EP400: variants seen among roughly 807,000 people sequenced by gnomAD.
EP400 encodes the protein E1A-binding protein p400.
Under a neutral mutation model 354.1 loss-of-function variants are expected in EP400, and 105 were observed. The observed-to-expected ratio is 0.30, with a 90% CI of 0.25 to 0.35. EP400 has a LOEUF of 0.35. Ranked by LOEUF, EP400 falls within the 10% of genes least tolerant of loss-of-function variation. The pLI, the probability that EP400 is intolerant of heterozygous loss-of-function variation, is 1.00. For synonymous variants in EP400, 1,646 were observed against 1,716.9 expected, an observed-to-expected ratio of 0.96 and a Z score of 1.02; for missense variants, 3,280 against 4,121.0, an observed-to-expected ratio of 0.80 and a Z score of 5.59.
chr12:131,960,291 C>T (rs1046969160), intron 1 of EP400, among the ~76,000 whole-genome samples: 3 of 152,172 alleles, frequency 2.0e-5, no homozygotes, highest in Non-Finnish European at 4.4e-5. Context: ...TGAGGGATGG[C>T]CTGGTCTCTC....
At position 131,969,057 on chromosome 12, in the gene EP400, T is replaced by A. The variant is rs185292152; in HGVS notation, c.1335+7103T>A. On this transcript the variant is annotated intron_variant, in intron 2 of 52. Coordinates refer to ENST00000389561, the MANE Select transcript of EP400 (RefSeq NM_015409.5). ...TTTCTTTACTTTTCTTTTTTTTTTT[T>A]ATCGTATTGGCAAGGGCACCCAGTA... Among the ~76,000 whole-genome samples, 197 of 151,818 alleles carry A rather than the reference T, an allele frequency of 1.3e-3. 3 individuals carry two copies. In the East Asian group the frequency reaches 0.033, roughly 25 times the overall value.
At position 132,066,932 on chromosome 12, in the gene EP400, G is replaced by A. The variant is rs748382309; in HGVS notation, c.8712G>A (p.Gly2904=). Residue 2904 remains glycine, a synonymous_variant, in exon 49 of 53, where the codon GGG becomes GGA. Transcript: ENST00000389561. ...CCACCCTGCCCATGAACGTCGCGGG[G>A]ATCAGCGTGGCGATCGGTCAGCCAC... The part of the protein sequence containing the change: ...GVTTLPMNVA[G]ISVAIGQPQK... The A allele has an allele frequency of 2.5e-6, 4 of 1,607,162 alleles. No homozygotes were observed. The highest frequency in any genetic ancestry group is 1.7e-4 in the Middle Eastern group (1 of 5,936).
rs1243667991 is a variant in EP400 at position 132,062,341 on chromosome 12, G to T, written c.8098+18G>T. The T allele has an allele frequency of 6.2e-7, 1 of 1,613,668 alleles. No homozygotes were observed. Among genetic ancestry groups the T allele is most frequent in the South Asian group, 1.1e-5 (1 of 91,082 alleles). On this transcript the variant is annotated intron_variant, in intron 46 of 52. Transcript: ENST00000389561. Reference sequence around the variant, plus strand: ...GTCCCAAGGTAAAGCCAGGCTGGGAGCTTTCTCTGCCACACGTCTGCTCTG... The same window carrying T: ...GTCCCAAGGTAAAGCCAGGCTGGGATCTTTCTCTGCCACACGTCTGCTCTG...
chr12:132,027,454 G>C lies in EP400; in HGVS notation c.5032G>C (p.Val1678Leu). ...ATTTGTAGTTGGCGTTCCGGGCCGC[G>C]TGGCGGTGAATGCCTTGGCTGTAGG... ...LTPQVGVPGR[V>L]AVNALAVGEP... Residue 1678 changes from valine (V) to leucine (L), a missense_variant, in exon 26 of 53, where the codon GTG (valine) becomes CTG (leucine). Val to Leu is a conservative substitution (Grantham distance 32). Coordinates refer to ENST00000389561, the MANE Select transcript of EP400 (RefSeq NM_015409.5). The surrounding 1 kb of genome is among the most constrained non-coding windows in gnomAD (Gnocchi z 4.9). 6 of 1,614,094 alleles carry C rather than the reference G, an allele frequency of 3.7e-6. No homozygotes were observed. Among genetic ancestry groups the C allele is most frequent in the Non-Finnish European group, 5.1e-6 (6 of 1,180,026 alleles).
chr12:132,023,841 G>C lies in EP400; in HGVS notation c.4755G>C (p.Gln1585His), dbSNP rs1894208021. The C allele has an allele frequency of 6.2e-7, 1 of 1,613,772 alleles. No individual in the cohort carries two copies. The highest frequency in any genetic ancestry group is 1.7e-5 in the Admixed American group (1 of 59,972). The change falls in exon 24 of 53, where the codon CAG becomes CAC. Residue 1585 changes from glutamine (Q) to histidine (H), a missense_variant. By Grantham distance (24) the Gln-to-His change is conservative (BLOSUM62 0). This residue lies in a region of EP400 where 25 missense variants were observed against 51.2 expected (regional missense o/e 0.49). Coordinates refer to ENST00000389561, the MANE Select transcript of EP400 (RefSeq NM_015409.5). ...CAGGACCACAGAGCCGCGTGGCTCA[G>C]CCAGAGACGCCGGTGACACTGCAGT... ...SITGPQSRVA[Q>H]PETPVTLQFQ...
rs568480762 is a variant in EP400 at position 132,076,236 on chromosome 12, G to A, written c.9022-280G>A. The A allele has an allele frequency of 3.5e-5, 17 of 489,390 alleles. No homozygotes were observed. In the East Asian group the frequency reaches 6.4e-4, roughly 18 times the overall value. The allele number at this position is 489,390 out of a possible 1,614,324, so 30.3% of individuals were successfully genotyped here. On this transcript the variant is annotated intron_variant, in intron 51 of 52. Transcript: ENST00000389561. Reference sequence around the variant, plus strand: ...TCTGATTCTTTCATATAAACTTGCAGTCGTTTTTGTGAAAAGAAAAAATGT... The same window carrying A: ...TCTGATTCTTTCATATAAACTTGCAATCGTTTTTGTGAAAAGAAAAAATGT...
In EP400 at chr12:132,027,260, C is replaced by G. The variant is rs1229179427; in HGVS notation, c.5015-177C>G. Reference sequence around the variant, plus strand: ...CAGGTCTAAAGCATTTAAGTTTGAGCCCATGCACATTCCAGGCATGTGCTG... The same window carrying G: ...CAGGTCTAAAGCATTTAAGTTTGAGGCCATGCACATTCCAGGCATGTGCTG... On this transcript the variant is annotated intron_variant, in intron 25 of 52. Transcript: ENST00000389561. The surrounding 1 kb of genome is among the most constrained non-coding windows in gnomAD (Gnocchi z 4.9). Among the ~76,000 whole-genome samples, 1 of 152,222 alleles carries G rather than the reference C, an allele frequency of 6.6e-6. No homozygotes were observed. Among genetic ancestry groups the G allele is most frequent in the Non-Finnish European group, 1.5e-5 (1 of 68,038 alleles).
intron 15 of EP400, 135 bp from the exon 16 acceptor site, chr12:132,011,363 C>T (rs926422658): frequency 1.8e-6 from 2 of 1,098,290 alleles, no homozygotes; most frequent in African/African-American, 3.2e-5. Context: ...TGTTCCCCCC[C>T]AAGTCTGCCT....
chr12:131,963,048 A>G lies in EP400; in HGVS notation c.1335+1094A>G, dbSNP rs185213850. 1.7e-4 allele frequency among the ~76,000 whole-genome samples: 26 copies of G among 152,288 alleles called. No individual in the cohort carries two copies. In the East Asian group the frequency reaches 3.1e-3, roughly 18 times the overall value. ...TGATTATTTTGAGGATTTCACCTCT[A>G]TTGTCCTGAAATAGTAAAATTCATT... On this transcript the variant is annotated intron_variant, in intron 2 of 52. Coordinates refer to ENST00000389561, the MANE Select transcript of EP400 (RefSeq NM_015409.5).
Position 132,075,081 on chromosome 12 carries a change from C to T in EP400, c.9022-1435C>T, listed in dbSNP as rs910282801. ...TCTGTGTCTCCTCCTCTCTCCTCCC[C>T]GGCACTGAGGCTTAGGGCAGGTGCT... is the stretch of plus-strand genomic sequence containing the variant. On this transcript the variant is annotated intron_variant, in intron 51 of 52. Coordinates refer to ENST00000389561, the MANE Select transcript of EP400 (RefSeq NM_015409.5). The surrounding 1 kb of genome is among the most constrained non-coding windows in gnomAD (Gnocchi z 4.5). Among the ~76,000 whole-genome samples, 7 of 152,144 alleles carry T rather than the reference C, an allele frequency of 4.6e-5. No individual in the cohort carries two copies. Among genetic ancestry groups the T allele is most frequent in the African/African-American group, 1.7e-4 (7 of 41,432 alleles).
chr12:132,025,903 A>C lies in EP400; in HGVS notation c.5014+99A>C. On this transcript the variant is annotated intron_variant, in intron 25 of 52. Transcript: ENST00000389561. This position sits in a 1 kb window ranked among gnomAD's most constrained non-coding sequence, Gnocchi z 4.1. ...ATTCATGTGTCTTTGACTGTATCTC[A>C]GAACAGCACAGTCTAGTGTGTGGCC... 7.4e-7 allele frequency: 1 copy of C among 1,345,892 alleles called. No individual in the cohort carries two copies. Among genetic ancestry groups the C allele is most frequent in the Non-Finnish European group, 9.8e-7 (1 of 1,018,702 alleles). 83.4% of individuals were successfully genotyped at this position (1,345,892 alleles called of 1,614,324 possible). A position where few individuals can be genotyped will look rare whatever the true frequency, so the allele number is the denominator to read the frequency against.
chr12:132,057,946 G>A (rs1174065256), intron 45 of EP400, among the ~76,000 whole-genome samples: 8 of 152,156 alleles, frequency 5.3e-5, no homozygotes, highest in Non-Finnish European at 1.2e-4. Flanking sequence ...TGGCACTGTG[G>A]GCCCAAGACA....
chr12:132,064,973 G>T (rs777074971), intron 48 of EP400, 87 bp downstream of exon 48: 1 of 1,508,652 alleles, frequency 6.6e-7, no homozygotes, highest in East Asian at 2.5e-5. Flanking sequence ...TGCGTGTCAC[G>T]TGTTACAGGA....
chr12:131,974,962 C>G (rs2136482867), intron 2 of EP400, among the ~76,000 whole-genome samples: 1 of 139,860 alleles, frequency 7.2e-6, no homozygotes, highest in Non-Finnish European at 1.5e-5. Context: ...TGTACTCCAT[C>G]CTGGGCGACA....
intron 32 of EP400, among the ~76,000 whole-genome samples, chr12:132,042,012 T>A (rs1289575666): frequency 4.6e-5 from 7 of 150,822 alleles, no homozygotes; most frequent in Non-Finnish European, 7.4e-5. Flanking sequence ...AGTGCAGTGG[T>A]GTGATCTCAG....
Position 132,045,798 on chromosome 12 carries a change from T to A in EP400, c.7098T>A (p.Asp2366Glu). ...CACCTGCTCACACACCTAATTGGGA[T>A]CTTGTCAGTGACGTTGTTAACTCCT... is the stretch of plus-strand genomic sequence containing the variant. ...IVSPAHTPNWDLVSDVVNSCS... is the reference protein window; with the variant it reads ...IVSPAHTPNWELVSDVVNSCS... Residue 2366 changes from aspartate to glutamate, a missense_variant, in exon 39 of 53, where the codon GAT (aspartate) becomes GAA (glutamate). By Grantham distance (45) the Asp-to-Glu change is conservative. Around this residue, in one of 20 missense-constraint regions of EP400, gnomAD observed 84 missense variants for 133.0 expected, o/e 0.63. Transcript: ENST00000389561. 6.2e-7 allele frequency: 1 copy of A among 1,614,196 alleles called. No homozygotes were observed. Among genetic ancestry groups the A allele is most frequent in the Non-Finnish European group, 8.5e-7 (1 of 1,180,036 alleles).
At chr12:131,995,159 G>A in intron 12 of EP400, 1 of 509,256 alleles carries the variant, frequency 2.0e-6, no homozygotes, top group East Asian at 3.5e-5. Flanking sequence ...TGCCCTGACT[G>A]TCTTTCTTCC....
At chr12:131,962,777 G>A (rs1386475337) in intron 2 of EP400, among the ~76,000 whole-genome samples, 6 of 152,182 alleles carry the variant, frequency 3.9e-5, no homozygotes, top group African/African-American at 1.2e-4. Flanking sequence ...TGTATTTTGT[G>A]CCTTTGTGTT....
At chr12:132,056,538 A>G (rs1895522880) in intron 45 of EP400, among the ~76,000 whole-genome samples, 1 of 152,212 alleles carries the variant, frequency 6.6e-6, no homozygotes, top group Admixed American at 6.5e-5. Flanking sequence ...TTGGGCAGCC[A>G]TGTGCAAAAC....
Sources: allele counts gnomAD v4.1 joint callset (sites outside exome capture counted in the v4.1 genomes callset), GRCh38; gene constraint gnomAD v4.1.1; regional missense constraint gnomAD v4.1.1; non-coding constraint Gnocchi (gnomAD v3.1); transcripts MANE v1.5; gene names NCBI Gene and HGNC (gene_info 2026-07-23, HGNC 2026-07-21).